The following KCND2 variants were observed in gnomAD, a reference collection of about 807,000 sequenced individuals.
KCND2 encodes potassium voltage-gated channel subfamily D member 2.
KCND2 carries 16 observed loss-of-function variants against 54.4 expected under a neutral mutation model. The ratio of observed to expected loss-of-function variants is 0.29; its 90% CI spans 0.20 to 0.45. KCND2 has a LOEUF of 0.45. Ranked by LOEUF, KCND2 falls within the 20% of genes least tolerant of loss-of-function variation. The pLI, the probability that KCND2 is intolerant of heterozygous loss-of-function variation, is 1.00. For missense variants in KCND2, 486 were observed against 824.2 expected (o/e 0.59, Z 5.02); for synonymous variants, 317 against 310.7 (o/e 1.02, Z -0.21).
At chr7:120,411,960 C>G (rs1189504367) in intron 1 of KCND2, among the ~76,000 whole-genome samples, 1 of 151,898 alleles carries the variant, frequency 6.6e-6, no homozygotes, top group Non-Finnish European at 1.5e-5. Context: ...GTATTTATCC[C>G]TGGCTAAGCA....
chr7:120,366,832 G>C (rs1225382656), intron 1 of KCND2, among the ~76,000 whole-genome samples: 2 of 152,080 alleles, frequency 1.3e-5, no homozygotes, highest in Admixed American at 6.6e-5. Context: ...ATGTGACCTT[G>C]GGTGTAATAC....
At chr7:120,743,322 T>C (rs1584904116) in intron 4 of KCND2, among the ~76,000 whole-genome samples, 1 of 152,184 alleles carries the variant, frequency 6.6e-6, no homozygotes, top group East Asian at 1.9e-4. Flanking sequence ...TGATTTGTAT[T>C]CTCAGTTCCA....
At chr7:120,345,788 A>G (rs1025524256) in intron 1 of KCND2, among the ~76,000 whole-genome samples, 25 of 152,232 alleles carry the variant, frequency 1.6e-4, no homozygotes, top group African/African-American at 5.8e-4. Flanking sequence ...GTGATGGTGA[A>G]TAATGCTGCT....
Position 120,290,455 on chromosome 7 carries a change from T to C in KCND2, c.1115+14708T>C, listed in dbSNP as rs554471309. ...TATGCTCTTTCACCATTGAAAGAAA[T>C]CCCCTATATTTCTGTGCTATTTTTC... On this transcript the variant is annotated intron_variant, in intron 1 of 5. Transcript: ENST00000331113. Among the ~76,000 whole-genome samples, 342 of 152,178 alleles carry C rather than the reference T, an allele frequency of 2.2e-3. 9 individuals carry two copies. In the South Asian group the frequency reaches 0.065, roughly 29 times the overall value.
intron 1 of KCND2, among the ~76,000 whole-genome samples, chr7:120,396,553 T>C (rs184561324): frequency 2.6e-4 from 40 of 152,188 alleles, no homozygotes; most frequent in Admixed American, 2.6e-3. Context: ...GTTTATATTT[T>C]AATTGGATAC....
chr7:120,578,061 AAG>A (rs869157687), intron 1 of KCND2, among the ~76,000 whole-genome samples: 1,975 of 151,888 alleles, frequency 0.013, 54 homozygotes, highest in African/African-American at 0.045. Flanking sequence ...GAAGAAGAAG[AAG>A]AACAAGAAGG....
chr7:120,443,491 C>T (rs1184029969), intron 1 of KCND2, among the ~76,000 whole-genome samples: 1 of 151,746 alleles, frequency 6.6e-6, no homozygotes, highest in African/African-American at 2.4e-5. Flanking sequence ...TATTTATTCT[C>T]GTGGTTTATA....
intron 1 of KCND2, among the ~76,000 whole-genome samples, chr7:120,335,280 T>G (rs1389898797): frequency 6.8e-6 from 1 of 147,812 alleles, no homozygotes; most frequent in Non-Finnish European, 1.5e-5. Flanking sequence ...GAAGAATCAC[T>G]TGAACCCAGG....
At chr7:120,372,873 G>A (rs1368231324) in intron 1 of KCND2, among the ~76,000 whole-genome samples, 1 of 151,924 alleles carries the variant, frequency 6.6e-6, no homozygotes, top group South Asian at 2.1e-4. Flanking sequence ...TGGAATAGCT[G>A]CCACCAGCCT....
At chr7:120,292,648 C>T (rs937311188) in intron 1 of KCND2, among the ~76,000 whole-genome samples, 2 of 151,838 alleles carry the variant, frequency 1.3e-5, no homozygotes, top group African/African-American at 2.4e-5. Flanking sequence ...CATTTCTTTG[C>T]AGCACAGCTC....
chr7:120,363,496 C>T (rs561131894), intron 1 of KCND2, among the ~76,000 whole-genome samples: 5 of 152,084 alleles, frequency 3.3e-5, no homozygotes, highest in African/African-American at 9.7e-5. Context: ...TCTGATACCT[C>T]ATGTAATCTA....
intron 1 of KCND2, among the ~76,000 whole-genome samples, chr7:120,631,451 C>T (rs149341127): frequency 0.011 from 1,668 of 152,024 alleles, 69 homozygotes; most frequent in Admixed American, 0.079. Context: ...AATGCAAATG[C>T]GAAAGATCAC....
chr7:120,556,910 G>A (rs1792172830), intron 1 of KCND2, among the ~76,000 whole-genome samples: 1 of 152,092 alleles, frequency 6.6e-6, no homozygotes, highest in Non-Finnish European at 1.5e-5. Flanking sequence ...ATTTCAGTTG[G>A]AGATTTTGCA....
chr7:120,593,702 C>T (rs1792699065), intron 1 of KCND2, among the ~76,000 whole-genome samples: 1 of 151,968 alleles, frequency 6.6e-6, no homozygotes, highest in African/African-American at 2.4e-5. Flanking sequence ...CATAAATAAG[C>T]AAAAAGTGTA....
chr7:120,296,216 G>A (rs1584717599), intron 1 of KCND2, among the ~76,000 whole-genome samples: 1 of 152,026 alleles, frequency 6.6e-6, no homozygotes, highest in African/African-American at 2.4e-5. Flanking sequence ...AATTTTAAGT[G>A]TTGTATTTCG....
At chr7:120,393,265 T>C (rs1801103945) in intron 1 of KCND2, among the ~76,000 whole-genome samples, 1 of 152,148 alleles carries the variant, frequency 6.6e-6, no homozygotes, top group Middle Eastern at 3.4e-3. Context: ...TCAGACTTGT[T>C]GGGAGAAATA....
Position 120,657,689 on chromosome 7 carries a change from CA to C in KCND2, c.1116-75206del, listed in dbSNP as rs969010838. ...AAACATAGCAAGACCCCATCTCTAC[CA>C]AAAAAAAGTTAAAAATTCACGGGGC... On this transcript the variant is annotated intron_variant, in intron 1 of 5. Transcript: ENST00000331113. Among the ~76,000 whole-genome samples the C allele has an allele frequency of 8.4e-4, 127 of 151,768 alleles. 1 individual carries two copies. Among genetic ancestry groups the C allele is most frequent in the Admixed American group, 8.3e-3 (126 of 15,218 alleles).
At chr7:120,411,636 T>TACC (rs1801451323) in intron 1 of KCND2, among the ~76,000 whole-genome samples, 1 of 151,828 alleles carries the variant, frequency 6.6e-6, no homozygotes, top group Non-Finnish European at 1.5e-5. Context: ...GAAGGATGAG[T>TACC]ACCAATATGC....
intron 1 of KCND2, among the ~76,000 whole-genome samples, chr7:120,283,508 C>T (rs1469455385): frequency 6.6e-6 from 1 of 151,956 alleles, no homozygotes; most frequent in African/African-American, 2.4e-5. Flanking sequence ...AAATTTATAT[C>T]CAATTATTCA....
Sources: gnomAD v4.1 joint callset for allele counts (sites outside exome capture counted in the v4.1 genomes callset) on GRCh38, gnomAD v4.1.1 for gene constraint, MANE v1.5 for transcripts, NCBI Gene and HGNC (gene_info 2026-07-23, HGNC 2026-07-21) for gene names.